LMLN: variants seen among roughly 807,000 people sequenced by gnomAD.
The protein encoded by LMLN is leishmanolysin-like peptidase.
LMLN carries 70 observed loss-of-function variants against 92.3 expected under a neutral mutation model. That is an observed-to-expected ratio of 0.76 (90% CI 0.63 to 0.92). The LOEUF is 0.92. Ranked by LOEUF, LMLN falls within the 40% of genes least tolerant of loss-of-function variation. LMLN has a pLI of 0.00. For missense variants in LMLN, 691 were observed against 814.6 expected, an observed-to-expected ratio of 0.85 and a Z score of 1.85; for synonymous variants, 308 against 296.2, an observed-to-expected ratio of 1.04 and a Z score of -0.41.
At chr3:198,037,618 A>C (rs1405461082) in intron 15 of LMLN, among the ~76,000 whole-genome samples, 1 of 152,214 alleles carries the variant, frequency 6.6e-6, no homozygotes, top group Non-Finnish European at 1.5e-5. Flanking sequence ...CAGCCTGGGC[A>C]ATAGAATGAG....
At chr3:197,994,003 C>G (rs1383668045) in intron 9 of LMLN, among the ~76,000 whole-genome samples, 2 of 152,022 alleles carry the variant, frequency 1.3e-5, no homozygotes, top group African/African-American at 4.8e-5. Flanking sequence ...AATAAAGGTG[C>G]TAAGAATACA....
chr3:197,988,286 T>C (rs1721768443), intron 8 of LMLN, among the ~76,000 whole-genome samples: 1 of 151,938 alleles, frequency 6.6e-6, no homozygotes, highest in Non-Finnish European at 1.5e-5. Flanking sequence ...ACCCCGATGT[T>C]TTTTTCTTTG....
chr3:198,043,671 G>A (rs1723474722), exon 16 of LMLN: 1 of 152,488 alleles, frequency 6.6e-6, no homozygotes. Flanking sequence ...TGAACTTTAA[G>A]TGTGATATAT....
intron 11 of LMLN, among the ~76,000 whole-genome samples, chr3:198,016,491 G>A (rs1196524349): frequency 6.6e-6 from 1 of 152,224 alleles, no homozygotes; most frequent in Non-Finnish European, 1.5e-5. Flanking sequence ...ATTAAGTCAT[G>A]ACTGTGCTGA....
chr3:197,979,134 C>T (rs1721484979), intron 5 of LMLN, among the ~76,000 whole-genome samples: 1 of 152,212 alleles, frequency 6.6e-6, no homozygotes, highest in Non-Finnish European at 1.5e-5. Flanking sequence ...CCAACATCTC[C>T]TCAGCTCCCA....
intron 11 of LMLN, among the ~76,000 whole-genome samples, chr3:198,012,054 A>C (rs1476103704): frequency 6.6e-6 from 1 of 152,080 alleles, no homozygotes; most frequent in Non-Finnish European, 1.5e-5. Context: ...CCCCATCAAA[A>C]AGTGTTTTTT....
At chr3:197,976,936 T>A (rs558353690) in intron 5 of LMLN, among the ~76,000 whole-genome samples, 2 of 152,376 alleles carry the variant, frequency 1.3e-5, no homozygotes, top group Non-Finnish European at 2.9e-5. Flanking sequence ...TGCCCCTGTT[T>A]ATCTTGGTCT....
At chr3:197,986,879 G>A (rs1024199905) in intron 8 of LMLN, among the ~76,000 whole-genome samples, 23 of 141,176 alleles carry the variant, frequency 1.6e-4, no homozygotes, top group Admixed American at 3.6e-4. Flanking sequence ...TCGCTCTGTC[G>A]TTCAGGCTGG....
chr3:197,973,107 T>C (rs1432443934), intron 1 of LMLN, among the ~76,000 whole-genome samples: 1 of 152,232 alleles, frequency 6.6e-6, no homozygotes, highest in Non-Finnish European at 1.5e-5. Context: ...TTCCAGATTC[T>C]GTCTTTCTCC....
At chr3:198,014,799 G>C (rs1259403493) in intron 11 of LMLN, among the ~76,000 whole-genome samples, 306 of 55,186 alleles carry the variant, frequency 5.5e-3, no homozygotes, top group Admixed American at 0.013. Flanking sequence ...TCTCTCCACC[G>C]TTCAGAGCCC....
rs1264910649 is a variant in LMLN, at chr3:198,031,285, CCA to C, written c.1657-4547_1657-4546del. Reference sequence around the variant, plus strand: ...ATTATTTTAAGAAGGTCTGTTTGTACCAAATTCTTTGGCTTTGACTCCCCATA... The same window carrying C: ...ATTATTTTAAGAAGGTCTGTTTGTACAATTCTTTGGCTTTGACTCCCCATA... On this transcript the variant is annotated intron_variant, in intron 14 of 15. Coordinates refer to ENST00000330198, the Ensembl canonical transcript of LMLN. The surrounding 1 kb of genome is among the most constrained non-coding windows in gnomAD (Gnocchi z 4.8). 1.3e-5 allele frequency among the ~76,000 whole-genome samples: 2 copies of C among 152,142 alleles called. No individual in the cohort carries two copies. Among genetic ancestry groups the C allele is most frequent in the African/African-American group, 4.8e-5 (2 of 41,430 alleles).
chr3:198,002,974 A>G, intron 11 of LMLN, 41 bp from the exon 12 acceptor site: 2 of 1,143,020 alleles, frequency 1.7e-6, no homozygotes, highest in Non-Finnish European at 2.6e-6. Flanking sequence ...TGTTTTTGAA[A>G]GGACAGCAGT....
intron 11 of LMLN, among the ~76,000 whole-genome samples, chr3:198,018,996 T>C (rs1722713087): frequency 6.6e-6 from 1 of 152,206 alleles, no homozygotes; most frequent in Non-Finnish European, 1.5e-5. Flanking sequence ...AATCTTTATT[T>C]TGCACAGGAA....
chr3:197,960,409 C>T (rs781075916), exon 1 of LMLN: 4 of 1,613,832 alleles, frequency 2.5e-6, no homozygotes, highest in Non-Finnish European at 2.5e-6. Flanking sequence ...AGTTCCCCTC[C>T]CTGCCGGCAC....
At chr3:197,960,659 C>T (rs537845957) in intron 1 of LMLN, among the ~76,000 whole-genome samples, 2 of 152,266 alleles carry the variant, frequency 1.3e-5, no homozygotes, top group African/African-American at 4.8e-5. Flanking sequence ...GAGGGTTGTG[C>T]TTAGCAGTAG....
intron 6 of LMLN, among the ~76,000 whole-genome samples, chr3:197,981,067 C>T (rs1355345492): frequency 6.6e-6 from 1 of 151,740 alleles, no homozygotes; most frequent in Admixed American, 6.6e-5. Flanking sequence ...CATGCCACTG[C>T]ACTCCAGCCT....
intron 9 of LMLN, among the ~76,000 whole-genome samples, chr3:197,991,596 C>T (rs1398811376): frequency 6.6e-6 from 1 of 152,092 alleles, no homozygotes; most frequent in Non-Finnish European, 1.5e-5. Flanking sequence ...GTGATGCCTA[C>T]CCACATTATG....
chr3:198,032,835 G>C (rs1453432133), intron 14 of LMLN, among the ~76,000 whole-genome samples: 2 of 152,216 alleles, frequency 1.3e-5, no homozygotes, highest in Admixed American at 6.5e-5. Flanking sequence ...AACTATATCA[G>C]CTGGGTTCGG....
At position 197,965,473 on chromosome 3, in the gene LMLN, T is replaced by C. The variant is rs374748410; in HGVS notation, c.219+5033T>C. ...CCGGGCTGGTCTTGAGCTCCTGGACTCAAGCAATCCTCCTGCCTTGGCCTC... is the reference window on the plus strand; with the variant it reads ...CCGGGCTGGTCTTGAGCTCCTGGACCCAAGCAATCCTCCTGCCTTGGCCTC... On this transcript the variant is annotated intron_variant, in intron 1 of 15. Transcript: ENST00000330198. Among the ~76,000 whole-genome samples the C allele has an allele frequency of 3.1e-3, 478 of 152,220 alleles. 3 individuals carry two copies. Among genetic ancestry groups the C allele is most frequent in the South Asian group, 0.021 (99 of 4,814 alleles).
Sources: gnomAD v4.1 joint callset for allele counts (sites outside exome capture counted in the v4.1 genomes callset) on GRCh38, gnomAD v4.1.1 for gene constraint, Gnocchi (gnomAD v3.1) non-coding constraint, MANE v1.5 for transcripts, NCBI Gene and HGNC (gene_info 2026-07-23, HGNC 2026-07-21) for gene names.